RYK: variants seen among roughly 807,000 people sequenced by gnomAD.
RYK encodes the protein receptor like tyrosine kinase.
A neutral mutation model predicts 70.2 loss-of-function variants in RYK; 21 were observed. That is an observed-to-expected ratio of 0.30 (90% CI 0.21 to 0.43). RYK has a LOEUF of 0.43. Ranked by LOEUF, RYK falls within the 20% of genes least tolerant of loss-of-function variation. The pLI, the probability that RYK is intolerant of heterozygous loss-of-function variation, is 1.00. For synonymous variants in RYK, 267 were observed against 278.0 expected (o/e 0.96, Z 0.39); for missense variants, 604 against 753.3 (o/e 0.80, Z 2.32).
chr3:134,229,670 T>C (rs542510015), intron 1 of RYK, among the ~76,000 whole-genome samples: 6 of 152,198 alleles, frequency 3.9e-5, no homozygotes, highest in African/African-American at 1.4e-4. Context: ...GGGAGAGATG[T>C]TGGTTAATTT....
intron 2 of RYK, among the ~76,000 whole-genome samples, chr3:134,215,757 G>C (rs2014530812): frequency 6.6e-6 from 1 of 152,186 alleles, no homozygotes; most frequent in South Asian, 2.1e-4. Flanking sequence ...GAAACTACAG[G>C]CTAGGCGTGG....
intron 10 of RYK, chr3:134,178,424 TATG>T: frequency 6.1e-6 from 1 of 163,940 alleles, no homozygotes; most frequent in Middle Eastern, 2.9e-3. Context: ...ATGAGTGTAT[TATG>T]ATAACAATAT....
intron 9 of RYK, among the ~76,000 whole-genome samples, chr3:134,185,947 C>T (rs140335461): frequency 2.2e-3 from 340 of 152,188 alleles, no homozygotes; most frequent in Admixed American, 3.3e-3. Context: ...AAGAAAAACT[C>T]GTTTTCTTGG....
At chr3:134,202,921 C>G (rs377432008) in intron 5 of RYK, 47 bp from the exon 6 acceptor site, 6 of 1,535,480 alleles carry the variant, frequency 3.9e-6, no homozygotes, top group Non-Finnish European at 5.4e-6. Flanking sequence ...ACAAATATGA[C>G]TGCTTTGTGA....
chr3:134,223,974 T>G (rs184488778), intron 1 of RYK, among the ~76,000 whole-genome samples: 43 of 152,344 alleles, frequency 2.8e-4, no homozygotes, highest in Admixed American at 2.6e-3. Context: ...CTAGGTGTAA[T>G]AAAATCATTA....
At chr3:134,159,597 A>T (rs1327764270) in intron 13 of RYK, among the ~76,000 whole-genome samples, 2 of 152,260 alleles carry the variant, frequency 1.3e-5, no homozygotes, top group African/African-American at 4.8e-5. Context: ...AATTAGATCC[A>T]TTGGAAGTAA....
At chr3:134,163,661 C>T (rs1260827151) in intron 13 of RYK, among the ~76,000 whole-genome samples, 1 of 152,134 alleles carries the variant, frequency 6.6e-6, no homozygotes, top group Non-Finnish European at 1.5e-5. Flanking sequence ...AAGACATTTC[C>T]AGTGATTACT....
chr3:134,203,009 TGG>T, intron 5 of RYK, 135 bp from the exon 6 acceptor site: 2 of 696,878 alleles, frequency 2.9e-6, no homozygotes, highest in Non-Finnish European at 4.7e-6. Context: ...AGCATATTGG[TGG>T]AAGTTCACAT....
At position 134,237,222 on chromosome 3, in the gene RYK, G is replaced by C. The variant is rs185792619; in HGVS notation, c.232+13201C>G. Among the ~76,000 whole-genome samples the C allele has an allele frequency of 5.3e-5, 8 of 152,246 alleles. No homozygotes were observed. The East Asian group carries it at 1.3e-3, about 26-fold the overall frequency. ...AACAGTTCAAAAATTTTTTCCAAATGATTTTAAAAGTTGACTATTGGTTTC... is the reference window on the plus strand; with the variant it reads ...AACAGTTCAAAAATTTTTTCCAAATCATTTTAAAAGTTGACTATTGGTTTC... On this transcript the variant is annotated intron_variant, in intron 1 of 14. Transcript: ENST00000623711.
intron 1 of RYK, among the ~76,000 whole-genome samples, chr3:134,226,514 T>A (rs575243635): frequency 6.6e-6 from 1 of 152,198 alleles, no homozygotes; most frequent in East Asian, 1.9e-4. Flanking sequence ...AGCATCATAT[T>A]GATACAAAAA....
intron 2 of RYK, among the ~76,000 whole-genome samples, chr3:134,219,789 G>A (rs940752594): frequency 1.3e-5 from 2 of 152,094 alleles, no homozygotes; most frequent in Non-Finnish European, 2.9e-5. Flanking sequence ...ATCCAGTGTA[G>A]GTCTGACCTC....
rs150228129 is a variant in RYK, at chr3:134,170,044, G to A, written c.1575+5565C>T. 3.3e-5 allele frequency among the ~76,000 whole-genome samples: 5 copies of A among 152,070 alleles called. No homozygotes were observed. The East Asian group carries it at 9.7e-4, about 29-fold the overall frequency. Reference sequence around the variant, plus strand: ...AAATTCAATCCCAAAAAACTAAAAGGCAGGACTTTTACACGAACAGTCACA... The same window carrying A: ...AAATTCAATCCCAAAAAACTAAAAGACAGGACTTTTACACGAACAGTCACA... On this transcript the variant is annotated intron_variant, in intron 13 of 14. Coordinates refer to ENST00000623711, the MANE Select transcript of RYK (RefSeq NM_002958.4).
In RYK at chr3:134,244,973, GAAGA is replaced by G. The variant is rs199806485; in HGVS notation, c.232+5446_232+5449del. Among the ~76,000 whole-genome samples the G allele has an allele frequency of 3.0e-3, 454 of 152,262 alleles. 3 individuals are homozygous for G. Among genetic ancestry groups the G allele is most frequent in the African/African-American group, 9.9e-3 (412 of 41,546 alleles). On this transcript the variant is annotated intron_variant, in intron 1 of 14. Transcript: ENST00000623711. ...GGAGAAAGCAGTATCCATAAACCAG[GAAGA>G]GGGCTCTCAGCAGATATCAAATCTA...
chr3:134,245,374 T>TA (rs879412928), intron 1 of RYK, among the ~76,000 whole-genome samples: 90 of 146,486 alleles, frequency 6.1e-4, no homozygotes, highest in Admixed American at 1.3e-3. Flanking sequence ...AATGATAGTT[T>TA]AAAAAAAAAA....
intron 1 of RYK, among the ~76,000 whole-genome samples, chr3:134,238,990 G>A (rs2015254338): frequency 2.6e-5 from 4 of 152,188 alleles, no homozygotes; most frequent in Admixed American, 2.6e-4. Context: ...TTGAGAGACT[G>A]CTCTGTGCCA....
At chr3:134,224,498 C>T (rs2014837105) in intron 1 of RYK, among the ~76,000 whole-genome samples, 1 of 152,246 alleles carries the variant, frequency 6.6e-6, no homozygotes, top group Non-Finnish European at 1.5e-5. Flanking sequence ...TAAAGCATAG[C>T]ATCGCAGGGA....
chr3:134,162,914 T>G (rs1292729584), intron 13 of RYK, among the ~76,000 whole-genome samples: 1 of 152,182 alleles, frequency 6.6e-6, no homozygotes, highest in Non-Finnish European at 1.5e-5. Flanking sequence ...TGGTGACAAG[T>G]GCATCCTGAC....
chr3:134,209,222 T>C (rs2014315565), intron 4 of RYK, among the ~76,000 whole-genome samples: 1 of 152,214 alleles, frequency 6.6e-6, no homozygotes, highest in Non-Finnish European at 1.5e-5. Flanking sequence ...AAACAGGTAT[T>C]ATGCCCATTT....
rs187682825 is a variant in RYK, at chr3:134,233,793, C to T, written c.233-11254G>A. On this transcript the variant is annotated intron_variant, in intron 1 of 14. Coordinates refer to ENST00000623711, the MANE Select transcript of RYK (RefSeq NM_002958.4). ...TGAAAAAAGACTATGAAGCCATGAA[C>T]AAAACTGTTATAAATACTGTAGTAA... is the stretch of plus-strand genomic sequence containing the variant. Among the ~76,000 whole-genome samples the T allele has an allele frequency of 1.4e-4, 21 of 152,174 alleles. 1 individual carries two copies. Among genetic ancestry groups the T allele is most frequent in the Admixed American group, 1.3e-3 (20 of 15,278 alleles).
Sources: allele counts gnomAD v4.1 joint callset (sites outside exome capture counted in the v4.1 genomes callset), GRCh38; gene constraint gnomAD v4.1.1; transcripts MANE v1.5; gene names NCBI Gene and HGNC (gene_info 2026-07-23, HGNC 2026-07-21).